RNGTT: variants seen among roughly 807,000 people sequenced by gnomAD.
RNGTT encodes RNA guanylyltransferase and 5'-phosphatase, also known as mRNA-capping enzyme.
Under a neutral mutation model 79.3 loss-of-function variants are expected in RNGTT, and 33 were observed. That is an observed-to-expected ratio of 0.42 (90% CI 0.32 to 0.56). The LOEUF (loss-of-function observed/expected upper bound fraction) is 0.56, where lower values mean the gene tolerates loss of function less well. Among genes scored for constraint, RNGTT ranks in the 20% least tolerant of loss-of-function variants. The pLI, the probability that RNGTT is intolerant of heterozygous loss-of-function variation, is 0.17. For missense variants in RNGTT, 497 were observed against 739.1 expected, an observed-to-expected ratio of 0.67 and a Z score of 3.80; for synonymous variants, 222 against 235.9, an observed-to-expected ratio of 0.94 and a Z score of 0.54.
At chr6:88,747,700 A>G (rs562843057) in intron 13 of RNGTT, among the ~76,000 whole-genome samples, 188 of 152,294 alleles carry the variant, frequency 1.2e-3, no homozygotes, top group African/African-American at 4.3e-3. Context: ...ACAAACTGGA[A>G]CTGATGGAGA....
chr6:88,842,708 G>A (rs928484066), intron 11 of RNGTT, among the ~76,000 whole-genome samples: 2 of 152,272 alleles, frequency 1.3e-5, no homozygotes, highest in African/African-American at 4.8e-5. Flanking sequence ...TTTTAGAGAT[G>A]AAGGGCTTCT....
At chr6:88,652,738 A>T (rs927238131) in intron 14 of RNGTT, among the ~76,000 whole-genome samples, 1 of 152,180 alleles carries the variant, frequency 6.6e-6, no homozygotes, top group African/African-American at 2.4e-5. Context: ...TGTTGTAAGA[A>T]GAGTCAACCA....
chr6:88,892,259 G>C (rs1223768598), intron 6 of RNGTT, among the ~76,000 whole-genome samples: 1 of 151,954 alleles, frequency 6.6e-6, no homozygotes, highest in Non-Finnish European at 1.5e-5. Flanking sequence ...AAAATAGACT[G>C]TACTGTATTT....
chr6:88,714,442 C>CT lies in RNGTT; in HGVS notation c.1440-36024dup, dbSNP rs769098675. The CT allele has an allele frequency of 2.8e-3, 333 of 120,822 alleles. 18 individuals carry two copies. The highest frequency in any genetic ancestry group is 4.2e-3 in the South Asian group (17 of 4,046). 7.5% of individuals were successfully genotyped at this position (120,822 alleles called of 1,614,324 possible). ...GTGACTCAAGCTGAAAGTAAAAGTA[C>CT]TTTTTTTTTTTTTTTTTTGAGACGG... On this transcript the variant is annotated intron_variant, in intron 13 of 15. Coordinates refer to ENST00000369485, the MANE Select transcript of RNGTT (RefSeq NM_003800.5).
At chr6:88,722,084 C>T (rs1776728356) in intron 13 of RNGTT, among the ~76,000 whole-genome samples, 1 of 150,794 alleles carries the variant, frequency 6.6e-6, no homozygotes, top group South Asian at 2.1e-4. Flanking sequence ...CACAAGAATT[C>T]CATCACCTAG....
At chr6:88,892,125 C>T (rs182858876) in intron 6 of RNGTT, among the ~76,000 whole-genome samples, 4 of 152,054 alleles carry the variant, frequency 2.6e-5, no homozygotes, top group East Asian at 1.9e-4. Flanking sequence ...CTTCAATATA[C>T]GTATGTACTC....
intron 13 of RNGTT, among the ~76,000 whole-genome samples, chr6:88,723,799 A>C (rs1048237379): frequency 1.3e-5 from 2 of 152,044 alleles, no homozygotes; most frequent in Non-Finnish European, 2.9e-5. Flanking sequence ...ATGTGGGCTC[A>C]TTGCAACCTC....
At chr6:88,932,146 G>A (rs1430761881) in intron 2 of RNGTT, among the ~76,000 whole-genome samples, 1 of 152,154 alleles carries the variant, frequency 6.6e-6, no homozygotes, top group Non-Finnish European at 1.5e-5. Context: ...TGTATTCCCA[G>A]GAGTAGGCCT....
intron 13 of RNGTT, among the ~76,000 whole-genome samples, chr6:88,750,213 A>G (rs1305142972): frequency 1.3e-5 from 2 of 152,152 alleles, no homozygotes; most frequent in African/African-American, 2.4e-5. Context: ...ACACCAGGCA[A>G]ATACTAAATA....
At chr6:88,806,120 G>A (rs1490073019) in intron 11 of RNGTT, among the ~76,000 whole-genome samples, 2 of 151,902 alleles carry the variant, frequency 1.3e-5, no homozygotes, top group African/African-American at 2.4e-5. Flanking sequence ...AAAAATCCAC[G>A]AAAGACGTCT....
chr6:88,822,459 T>C (rs1261480581), intron 11 of RNGTT, among the ~76,000 whole-genome samples: 1 of 152,202 alleles, frequency 6.6e-6, no homozygotes, highest in African/African-American at 2.4e-5. Flanking sequence ...AAGACTTTCC[T>C]CCTTAAAAAT....
chr6:88,650,988 G>C (rs918851110), intron 14 of RNGTT, among the ~76,000 whole-genome samples: 1 of 152,026 alleles, frequency 6.6e-6, no homozygotes, highest in Non-Finnish European at 1.5e-5. Flanking sequence ...TATTCCCAAT[G>C]CAAGAATTCT....
At chr6:88,686,010 A>G (rs1775264718) in intron 13 of RNGTT, among the ~76,000 whole-genome samples, 1 of 151,468 alleles carries the variant, frequency 6.6e-6, no homozygotes, top group Non-Finnish European at 1.5e-5. Context: ...ATTCATAAAC[A>G]TAATATATAT....
intron 14 of RNGTT, among the ~76,000 whole-genome samples, chr6:88,676,067 T>C (rs1774863723): frequency 6.6e-6 from 1 of 152,190 alleles, no homozygotes; most frequent in Non-Finnish European, 1.5e-5. Flanking sequence ...ATTATAAAAA[T>C]TCATATGGAA....
intron 8 of RNGTT, among the ~76,000 whole-genome samples, chr6:88,857,009 G>A (rs1010694155): frequency 2.6e-5 from 4 of 151,878 alleles, no homozygotes; most frequent in African/African-American, 7.3e-5. Flanking sequence ...TTCAGTATAC[G>A]TTTCCCAGAT....
intron 14 of RNGTT, among the ~76,000 whole-genome samples, chr6:88,639,662 T>C (rs1773234574): frequency 6.6e-6 from 1 of 152,166 alleles, no homozygotes; most frequent in Non-Finnish European, 1.5e-5. Flanking sequence ...TTTATGATTT[T>C]CATTTCTGAA....
intron 8 of RNGTT, among the ~76,000 whole-genome samples, chr6:88,857,883 C>T (rs1259451823): frequency 6.6e-6 from 1 of 152,036 alleles, no homozygotes. Flanking sequence ...TAGAAATAAA[C>T]ACAAATTGCT....
intron 13 of RNGTT, among the ~76,000 whole-genome samples, chr6:88,756,985 T>C (rs1778039683): frequency 6.6e-6 from 1 of 152,196 alleles, no homozygotes; most frequent in South Asian, 2.1e-4. Context: ...AAACAAATTG[T>C]CTTTAATGAA....
intron 12 of RNGTT, among the ~76,000 whole-genome samples, chr6:88,800,945 A>T (rs1779763507): frequency 6.6e-6 from 1 of 152,202 alleles, no homozygotes; most frequent in Admixed American, 6.5e-5. Flanking sequence ...CATGCACAAG[A>T]CAGCTCCCAC....
Sources: allele counts gnomAD v4.1 joint callset (sites outside exome capture counted in the v4.1 genomes callset), GRCh38; gene constraint gnomAD v4.1.1; transcripts MANE v1.5; gene names NCBI Gene and HGNC (gene_info 2026-07-23, HGNC 2026-07-21).